Variants in LRFN5 observed in about 807,000 individuals in gnomAD.
LRFN5 encodes leucine rich repeat and fibronectin type III domain containing 5.
Under a neutral mutation model 45.6 loss-of-function variants are expected in LRFN5, and 24 were observed. The observed-to-expected ratio is 0.53, with a 90% CI of 0.38 to 0.74. LRFN5 has a LOEUF of 0.74. Among genes scored for constraint, LRFN5 ranks in the 30% least tolerant of loss-of-function variants. The pLI is 0.00. For synonymous variants in LRFN5, 340 were observed against 313.8 expected (o/e 1.08, Z -0.88); for missense variants, 776 against 861.5 (o/e 0.90, Z 1.24).
chr14:41,819,763 C>A (rs768454379), intron 2 of LRFN5, among the ~76,000 whole-genome samples: 12 of 151,946 alleles, frequency 7.9e-5, no homozygotes, highest in Non-Finnish European at 1.6e-4. Flanking sequence ...GGTGTTAAAC[C>A]AGGAGAGATA....
intron 1 of LRFN5, among the ~76,000 whole-genome samples, chr14:41,664,168 TATA>T (rs1222918255): frequency 6.6e-6 from 1 of 151,984 alleles, no homozygotes; most frequent in Non-Finnish European, 1.5e-5. Flanking sequence ...GAGTAAAAAT[TATA>T]ATAAGAATTT....
intron 1 of LRFN5, among the ~76,000 whole-genome samples, chr14:41,675,877 G>T (rs888128781): frequency 2.6e-5 from 4 of 151,942 alleles, no homozygotes; most frequent in Non-Finnish European, 5.9e-5. Flanking sequence ...TTACCTAAAG[G>T]GCATTCAGCA....
At chr14:41,715,995 G>A (rs1434794388) in intron 1 of LRFN5, among the ~76,000 whole-genome samples, 1 of 152,182 alleles carries the variant, frequency 6.6e-6, no homozygotes, top group Non-Finnish European at 1.5e-5. Flanking sequence ...TCCAGTTCTT[G>A]ACTTCTCTGC....
chr14:41,679,178 C>T (rs1288748150), intron 1 of LRFN5, among the ~76,000 whole-genome samples: 1 of 152,140 alleles, frequency 6.6e-6, no homozygotes, highest in Non-Finnish European at 1.5e-5. Flanking sequence ...GCAGTCTAGG[C>T]CACAAGGACT....
chr14:41,732,781 GAC>G (rs752476241), intron 1 of LRFN5, among the ~76,000 whole-genome samples: 13 of 127,440 alleles, frequency 1.0e-4, no homozygotes, highest in Non-Finnish European at 1.9e-4. Context: ...AGATCTACTA[GAC>G]AAAAAAAAAA....
At chr14:41,844,353 C>T (rs1404906224) in intron 2 of LRFN5, among the ~76,000 whole-genome samples, 3 of 150,904 alleles carry the variant, frequency 2.0e-5, no homozygotes, top group African/African-American at 2.4e-5. Flanking sequence ...AGGAGAATGG[C>T]GTGAACCCAG....
intron 1 of LRFN5, among the ~76,000 whole-genome samples, chr14:41,653,836 G>T (rs1318891363): frequency 6.6e-6 from 1 of 152,078 alleles, no homozygotes; most frequent in Non-Finnish European, 1.5e-5. Context: ...CATCGAATTT[G>T]GGATTTGCTT....
At chr14:41,867,837 T>C (rs1889892365) in intron 2 of LRFN5, among the ~76,000 whole-genome samples, 4 of 151,572 alleles carry the variant, frequency 2.6e-5, no homozygotes, top group African/African-American at 9.8e-5. Flanking sequence ...CTCTTTGTCT[T>C]ATGCTAACTG....
At chr14:41,814,501 TAGAG>T (rs1484191478) in intron 2 of LRFN5, among the ~76,000 whole-genome samples, 1 of 152,198 alleles carries the variant, frequency 6.6e-6, no homozygotes, top group African/African-American at 2.4e-5. Flanking sequence ...TTTCTTGACA[TAGAG>T]AGTTTGAATT....
At chr14:41,729,841 GT>G (rs1307713208) in intron 1 of LRFN5, among the ~76,000 whole-genome samples, 1 of 151,776 alleles carries the variant, frequency 6.6e-6, no homozygotes, top group African/African-American at 2.4e-5. Context: ...TTTAGCAATG[GT>G]TTTGGAGTTT....
chr14:41,663,481 A>G (rs889767115), intron 1 of LRFN5, among the ~76,000 whole-genome samples: 1 of 152,044 alleles, frequency 6.6e-6, no homozygotes, highest in African/African-American at 2.4e-5. Context: ...TAACTTCTAT[A>G]TTTACTATGA....
At chr14:41,758,247 A>G (rs1885499530) in intron 1 of LRFN5, among the ~76,000 whole-genome samples, 1 of 152,176 alleles carries the variant, frequency 6.6e-6, no homozygotes, top group Non-Finnish European at 1.5e-5. Flanking sequence ...CTTGATAAGG[A>G]TGACATATTT....
At chr14:41,748,418 A>G (rs1015418324) in intron 1 of LRFN5, among the ~76,000 whole-genome samples, 1 of 152,132 alleles carries the variant, frequency 6.6e-6, no homozygotes, top group African/African-American at 2.4e-5. Context: ...CCAATTACAA[A>G]AGAATATTAT....
chr14:41,851,480 C>T (rs1889265272), intron 2 of LRFN5, among the ~76,000 whole-genome samples: 1 of 151,590 alleles, frequency 6.6e-6, no homozygotes, highest in Non-Finnish European at 1.5e-5. Context: ...GCATAAAATA[C>T]TTATGTAAAA....
intron 1 of LRFN5, among the ~76,000 whole-genome samples, chr14:41,641,735 G>C (rs1879588000): frequency 6.6e-6 from 1 of 151,952 alleles, no homozygotes; most frequent in Admixed American, 6.6e-5. Context: ...ATGGCTTTAT[G>C]ATTTATATTT....
chr14:41,856,521 T>A (rs1889458580), intron 2 of LRFN5, among the ~76,000 whole-genome samples: 1 of 151,846 alleles, frequency 6.6e-6, no homozygotes, highest in African/African-American at 2.4e-5. Flanking sequence ...ATGGGGTGTG[T>A]TCACCCCCTT....
At chr14:41,899,732 A>C (rs1351550713) in intron 5 of LRFN5, among the ~76,000 whole-genome samples, 1 of 152,192 alleles carries the variant, frequency 6.6e-6, no homozygotes, top group Non-Finnish European at 1.5e-5. Flanking sequence ...CTTGGTTTTT[A>C]ACATTTTATA....
At chr14:41,640,472 G>C (rs991491663) in intron 1 of LRFN5, among the ~76,000 whole-genome samples, 19 of 151,934 alleles carry the variant, frequency 1.3e-4, no homozygotes, top group African/African-American at 4.6e-4. Flanking sequence ...ATTCTCAAAT[G>C]GTTTCTATCA....
At position 41,891,287 on chromosome 14, in the gene LRFN5, A is replaced by G; in HGVS notation, c.1423A>G (p.Asn475Asp). 1 of 1,614,058 alleles carries G rather than the reference A, an allele frequency of 6.2e-7. No individual in the cohort carries two copies. The change falls in exon 4 of 6, where the codon AAT becomes GAT. Residue 475 changes from asparagine to aspartate, a missense_variant. This residue lies in a region of LRFN5 where 465 missense variants were observed against 456.4 expected (regional missense o/e 1.02). Transcript: ENST00000298119. ...PPTSKTFLVN[N>D]LAAGTMYDLC... Reference sequence around the variant, plus strand: ...TACGAGCAAAACTTTTCTGGTCAATAATCTGGCTGCTGGAACTATGTATGA... The same window carrying G: ...TACGAGCAAAACTTTTCTGGTCAATGATCTGGCTGCTGGAACTATGTATGA...
Sources: gnomAD v4.1 joint callset for allele counts (sites outside exome capture counted in the v4.1 genomes callset) on GRCh38, gnomAD v4.1.1 for gene constraint, gnomAD v4.1.1 regional missense constraint, MANE v1.5 for transcripts, NCBI Gene and HGNC (gene_info 2026-07-23, HGNC 2026-07-21) for gene names.